The following OSBPL10 variants were observed in gnomAD, a reference collection of about 807,000 sequenced individuals.
OSBPL10 encodes the protein oxysterol binding protein like 10, also known as oxysterol-binding protein-related protein 10.
Under a neutral mutation model 81.7 loss-of-function variants are expected in OSBPL10, and 49 were observed. The observed-to-expected ratio is 0.60, with a 90% CI of 0.48 to 0.76. The LOEUF is 0.76. Ranked by LOEUF, OSBPL10 falls within the 30% of genes least tolerant of loss-of-function variation. The probability of loss-of-function intolerance (pLI) is 0.00; values close to 1 mark genes in which losing one functional copy is unlikely to be tolerated. For synonymous variants in OSBPL10, 419 were observed against 383.6 expected, an observed-to-expected ratio of 1.09 and a Z score of -1.08; for missense variants, 923 against 987.8, an observed-to-expected ratio of 0.93 and a Z score of 0.88.
rs559212404 is a variant in OSBPL10, at chr3:31,858,740, A to G, written c.537+17693T>C. Among the ~76,000 whole-genome samples the G allele has an allele frequency of 9.8e-5, 15 of 152,324 alleles. 1 individual carries two copies. The highest frequency in any genetic ancestry group is 2.9e-4 in the African/African-American group (12 of 41,584). On this transcript the variant is annotated intron_variant, in intron 3 of 11. Coordinates refer to ENST00000396556, the MANE Select transcript of OSBPL10 (RefSeq NM_017784.5). ...GGAGCCACTCAAAACCAGATGCACA[A>G]TGTGAACAAGGCCAGCCTGGCTGAG...
chr3:31,735,705 T>G lies in OSBPL10; in HGVS notation c.941-2294A>C, dbSNP rs575478514. Reference sequence around the variant, plus strand: ...TCTACATCGGGGAGGAAGTCTCCTGTGTAGATCCAGGAGTCAGCTAAAATA... The same window carrying G: ...TCTACATCGGGGAGGAAGTCTCCTGGGTAGATCCAGGAGTCAGCTAAAATA... On this transcript the variant is annotated intron_variant, in intron 5 of 11. Transcript: ENST00000396556. Among the ~76,000 whole-genome samples, 18 of 151,956 alleles carry G rather than the reference T, an allele frequency of 1.2e-4. No homozygotes were observed. In the South Asian group the frequency reaches 1.9e-3, roughly 16 times the overall value.
intron 1 of OSBPL10, among the ~76,000 whole-genome samples, chr3:32,072,250 T>A (rs1378033433): frequency 6.6e-6 from 1 of 152,202 alleles, no homozygotes; most frequent in Non-Finnish European, 1.5e-5. Context: ...GCCGCTTTAC[T>A]TCCCAAGGAA....
At chr3:32,008,680 G>T (rs1051177772) in intron 2 of OSBPL10, among the ~76,000 whole-genome samples, 2 of 150,342 alleles carry the variant, frequency 1.3e-5, no homozygotes, top group Non-Finnish European at 3.0e-5. Flanking sequence ...AGCCCAGGCA[G>T]TCGAGGCTGC....
chr3:31,886,578 G>A (rs1559505493), intron 1 of OSBPL10, among the ~76,000 whole-genome samples: 1 of 152,202 alleles, frequency 6.6e-6, no homozygotes, highest in Admixed American at 6.5e-5. Context: ...CATGAACGGG[G>A]CCTGTGAACA....
intron 6 of OSBPL10, among the ~76,000 whole-genome samples, chr3:31,711,839 T>C (rs1253649284): frequency 6.6e-6 from 1 of 152,144 alleles, no homozygotes; most frequent in African/African-American, 2.4e-5. Flanking sequence ...TTTAAATGGA[T>C]AAATTGTATG....
At chr3:32,047,669 G>GT (rs1159896646) in intron 1 of OSBPL10, among the ~76,000 whole-genome samples, 1,473 of 144,942 alleles carry the variant, frequency 0.01, 8 homozygotes, top group African/African-American at 0.015. Flanking sequence ...TTTGTTTTTT[G>GT]TTTTTTTTTT....
intron 1 of OSBPL10, among the ~76,000 whole-genome samples, chr3:32,058,852 T>C (rs745564700): frequency 3.9e-5 from 6 of 152,176 alleles, no homozygotes; most frequent in Non-Finnish European, 5.9e-5. Context: ...AATGCCAAAC[T>C]AATTATTTAT....
intron 3 of OSBPL10, among the ~76,000 whole-genome samples, chr3:31,854,538 TAA>T (rs1246240109): frequency 3.9e-5 from 6 of 152,348 alleles, no homozygotes; most frequent in East Asian, 3.9e-4. Context: ...AGAATGTTTT[TAA>T]AAGTGTTAGA....
At chr3:31,752,673 C>T (rs1261631667) in intron 4 of OSBPL10, among the ~76,000 whole-genome samples, 1 of 152,316 alleles carries the variant, frequency 6.6e-6, no homozygotes, top group South Asian at 2.1e-4. Flanking sequence ...CCAATGATAT[C>T]TAGCTCAACA....
chr3:31,962,654 GCTCCC>G, intron 1 of OSBPL10, among the ~76,000 whole-genome samples: 2 of 152,068 alleles, frequency 1.3e-5, no homozygotes. Flanking sequence ...GGTTTCAATC[GCTCCC>G]ATTACACTAA....
chr3:31,665,313 C>T (rs967599527), intron 10 of OSBPL10, among the ~76,000 whole-genome samples: 3 of 152,168 alleles, frequency 2.0e-5, no homozygotes, highest in Non-Finnish European at 4.4e-5. Flanking sequence ...AGGAACTGTC[C>T]GAATGCCAGG....
intron 4 of OSBPL10, among the ~76,000 whole-genome samples, chr3:31,759,229 T>G (rs1262831668): frequency 6.6e-6 from 1 of 152,150 alleles, no homozygotes; most frequent in East Asian, 1.9e-4. Flanking sequence ...AGGCAAAGGA[T>G]CAGTGAGTAA....
intron 2 of OSBPL10, among the ~76,000 whole-genome samples, chr3:32,029,222 A>G (rs978260605): frequency 6.6e-6 from 1 of 152,178 alleles, no homozygotes; most frequent in Non-Finnish European, 1.5e-5. Flanking sequence ...CAAAAGGTCA[A>G]ACCACACACT....
At chr3:31,935,503 C>G (rs1372064286) in intron 1 of OSBPL10, among the ~76,000 whole-genome samples, 2 of 149,876 alleles carry the variant, frequency 1.3e-5, no homozygotes, top group East Asian at 4.0e-4. Flanking sequence ...AAATCTACTC[C>G]TATGAAATAG....
At chr3:31,742,058 G>A (rs1232321916) in intron 5 of OSBPL10, among the ~76,000 whole-genome samples, 1 of 152,180 alleles carries the variant, frequency 6.6e-6, no homozygotes, top group Non-Finnish European at 1.5e-5. Context: ...CCTATTTACT[G>A]AAATATCACA....
chr3:31,983,024 G>A (rs1197983064), upstream of OSBPL10, among the ~76,000 whole-genome samples: 1 of 152,192 alleles, frequency 6.6e-6, no homozygotes, highest in African/African-American at 2.4e-5. Context: ...CCCGGATAAG[G>A]ACTCTCCTTA....
intron 2 of OSBPL10, among the ~76,000 whole-genome samples, chr3:32,031,342 CTT>C (rs1375029411): frequency 6.6e-6 from 1 of 151,792 alleles, no homozygotes; most frequent in Admixed American, 6.6e-5. Flanking sequence ...GTATTTAAAA[CTT>C]TTTTATTTTC....
chr3:31,910,906 A>C (rs1696555580), intron 1 of OSBPL10, among the ~76,000 whole-genome samples: 1 of 152,232 alleles, frequency 6.6e-6, no homozygotes, highest in Non-Finnish European at 1.5e-5. Flanking sequence ...CCTTTACTCA[A>C]ATCATTATGT....
chr3:32,032,064 T>C (rs994319122), intron 2 of OSBPL10, among the ~76,000 whole-genome samples: 1 of 152,070 alleles, frequency 6.6e-6, no homozygotes. Flanking sequence ...GGCAGGAGGA[T>C]TGCTGAAGCC....
Sources: gnomAD v4.1 joint callset for allele counts (sites outside exome capture counted in the v4.1 genomes callset) on GRCh38, gnomAD v4.1.1 for gene constraint, MANE v1.5 for transcripts, NCBI Gene and HGNC (gene_info 2026-07-23, HGNC 2026-07-21) for gene names.